Variants in LHFPL3 observed in about 807,000 individuals in gnomAD.
LHFPL3 encodes LHFPL tetraspan subfamily member 3.
In LHFPL3, 5 loss-of-function variants were observed where a neutral mutation model predicts 19.3. The observed-to-expected ratio is 0.26, with a 90% CI of 0.14 to 0.54. LHFPL3 has a LOEUF of 0.54. LHFPL3 is among the 20% of genes least tolerant of loss of function. LHFPL3 has a pLI of 0.94. For synonymous variants in LHFPL3, 133 were observed against 126.2 expected, an observed-to-expected ratio of 1.05 and a Z score of -0.36; for missense variants, 249 against 307.4, an observed-to-expected ratio of 0.81 and a Z score of 1.42.
rs149119331 is a variant in LHFPL3, at chr7:104,347,277, T to C, written c.445+18053T>C. Among the ~76,000 whole-genome samples the C allele has an allele frequency of 5.2e-4, 79 of 152,272 alleles. No individual in the cohort carries two copies. The East Asian group carries it at 0.014, about 28-fold the overall frequency. ...TCTAGAAAAAAAAATCATGCACATT[T>C]TGGTGTTGCCAAGCCATTGCTACTC... On this transcript the variant is annotated intron_variant, in intron 1 of 2. Coordinates refer to ENST00000424859, the MANE Select transcript of LHFPL3 (RefSeq NM_199000.3).
intron 2 of LHFPL3, among the ~76,000 whole-genome samples, chr7:104,813,622 A>G (rs1790515505): frequency 6.6e-6 from 1 of 152,170 alleles, no homozygotes; most frequent in African/African-American, 2.4e-5. Context: ...GGGTCCAGCC[A>G]CTGTGCACAG....
rs551969074 is a variant in LHFPL3, at chr7:104,464,208, G to A, written c.445+134984G>A. Among the ~76,000 whole-genome samples the A allele has an allele frequency of 5.9e-5, 9 of 152,286 alleles. No homozygotes were observed. The South Asian group carries it at 1.2e-3, about 21-fold the overall frequency. ...CTTTTTGACTCCTTGTCTCACGCCC[G>A]GGTCACACAGATACAAGAGCTTGAC... On this transcript the variant is annotated intron_variant, in intron 1 of 2. Transcript: ENST00000424859.
chr7:104,766,541 G>T (rs1249629235), intron 2 of LHFPL3, among the ~76,000 whole-genome samples: 4 of 152,070 alleles, frequency 2.6e-5, no homozygotes, highest in Non-Finnish European at 1.5e-5. Flanking sequence ...CCATTTTACT[G>T]CCAAGCCCAT....
chr7:104,862,477 A>G (rs191320398), intron 2 of LHFPL3, among the ~76,000 whole-genome samples: 24 of 152,310 alleles, frequency 1.6e-4, no homozygotes, highest in Admixed American at 7.8e-4. Context: ...TTCTGAGATG[A>G]TAAGTGCTAG....
chr7:104,486,341 T>A (rs1232374460), intron 1 of LHFPL3, among the ~76,000 whole-genome samples: 3 of 152,252 alleles, frequency 2.0e-5, no homozygotes, highest in African/African-American at 7.2e-5. Flanking sequence ...GACTGTGCTA[T>A]AGTCTATTTT....
At chr7:104,515,388 T>C (rs1222105066) in intron 1 of LHFPL3, among the ~76,000 whole-genome samples, 2 of 152,150 alleles carry the variant, frequency 1.3e-5, no homozygotes, top group African/African-American at 4.8e-5. Context: ...CTCTAAGATC[T>C]AAAAGAACTC....
At chr7:104,822,207 G>A (rs1411883410) in intron 2 of LHFPL3, among the ~76,000 whole-genome samples, 1 of 152,160 alleles carries the variant, frequency 6.6e-6, no homozygotes, top group African/African-American at 2.4e-5. Flanking sequence ...CGTTGGAAGG[G>A]TCTTTCTCAA....
chr7:104,638,679 C>T (rs955159774), intron 1 of LHFPL3, among the ~76,000 whole-genome samples: 7 of 151,850 alleles, frequency 4.6e-5, no homozygotes. Flanking sequence ...TTGGTTTATA[C>T]GATGTATCAA....
intron 1 of LHFPL3, among the ~76,000 whole-genome samples, chr7:104,369,459 T>C (rs1279309806): frequency 2.0e-5 from 3 of 152,244 alleles, no homozygotes; most frequent in Non-Finnish European, 4.4e-5. Context: ...CATATTTTGT[T>C]TATGATTCTC....
At chr7:104,808,023 G>T (rs916890390) in intron 2 of LHFPL3, among the ~76,000 whole-genome samples, 6 of 152,202 alleles carry the variant, frequency 3.9e-5, no homozygotes, top group Non-Finnish European at 7.3e-5. Flanking sequence ...CTCCATCTCG[G>T]CTGAAGAGGG....
intron 1 of LHFPL3, among the ~76,000 whole-genome samples, chr7:104,513,741 C>A (rs1479056744): frequency 6.6e-6 from 1 of 152,160 alleles, no homozygotes; most frequent in African/African-American, 2.4e-5. Context: ...TAAAAAAATA[C>A]CAATATCTGG....
At chr7:104,863,956 C>G (rs1394394924) in intron 2 of LHFPL3, among the ~76,000 whole-genome samples, 2 of 152,218 alleles carry the variant, frequency 1.3e-5, no homozygotes, top group Non-Finnish European at 2.9e-5. Context: ...TAGTACCTCC[C>G]TCTTGGAATT....
At chr7:104,741,898 T>G (rs1260501365) in intron 2 of LHFPL3, among the ~76,000 whole-genome samples, 1 of 152,174 alleles carries the variant, frequency 6.6e-6, no homozygotes, top group African/African-American at 2.4e-5. Context: ...CTGCCTGCTC[T>G]GAATTTGGGG....
intron 1 of LHFPL3, among the ~76,000 whole-genome samples, chr7:104,498,262 C>T (rs893858578): frequency 1.3e-5 from 2 of 152,082 alleles, no homozygotes; most frequent in African/African-American, 2.4e-5. Context: ...AGTCAGCCAC[C>T]GCTACCATGA....
At chr7:104,865,354 G>C (rs879676526) in intron 2 of LHFPL3, among the ~76,000 whole-genome samples, 2 of 152,130 alleles carry the variant, frequency 1.3e-5, no homozygotes, top group African/African-American at 2.4e-5. Flanking sequence ...TGGCTAACTA[G>C]AATACCAGTG....
intron 2 of LHFPL3, among the ~76,000 whole-genome samples, chr7:104,903,709 GCCCA>G (rs1792539456): frequency 6.6e-6 from 1 of 152,002 alleles, no homozygotes. Context: ...CAAGTGATCT[GCCCA>G]CCTTGGCCTC....
intron 1 of LHFPL3, among the ~76,000 whole-genome samples, chr7:104,385,666 T>TCA (rs1199479574): frequency 4.7e-5 from 7 of 148,518 alleles, no homozygotes; most frequent in Admixed American, 6.8e-5. Flanking sequence ...TCATGGCAAT[T>TCA]TATTCATTCA....
intron 2 of LHFPL3, among the ~76,000 whole-genome samples, chr7:104,813,008 G>C (rs1043690750): frequency 4.6e-5 from 7 of 151,986 alleles, no homozygotes; most frequent in Non-Finnish European, 4.4e-5. Flanking sequence ...ACCAAGTCAG[G>C]GGGGCTGAGG....
intron 1 of LHFPL3, among the ~76,000 whole-genome samples, chr7:104,578,165 G>C (rs573148828): frequency 6.6e-6 from 1 of 152,324 alleles, no homozygotes; most frequent in Non-Finnish European, 1.5e-5. Flanking sequence ...TAAGAAAGAG[G>C]TTTTGGAAAG....
Sources: allele counts gnomAD v4.1 joint callset (sites outside exome capture counted in the v4.1 genomes callset), GRCh38; gene constraint gnomAD v4.1.1; transcripts MANE v1.5; gene names NCBI Gene and HGNC (gene_info 2026-07-23, HGNC 2026-07-21).